The following TBC1D31 variants were observed in gnomAD, a reference collection of about 807,000 sequenced individuals.
TBC1D31 encodes TBC1 domain family member 31.
Under a neutral mutation model 132.9 loss-of-function variants are expected in TBC1D31, and 99 were observed. That is an observed-to-expected ratio of 0.74 (90% CI 0.63 to 0.88). TBC1D31 has a LOEUF of 0.88. TBC1D31 is among the 40% of genes least tolerant of loss of function. The pLI is 0.00. For missense variants in TBC1D31, 1,134 were observed against 1,256.6 expected (o/e 0.90, Z 1.48); for synonymous variants, 385 against 419.4 (o/e 0.92, Z 1.00).
At position 123,120,219 on chromosome 8, in the gene TBC1D31, A is replaced by G. The variant is rs768955199; in HGVS notation, c.1570+31A>G. ...TAAATACTTGTTAAAGTATAAGATC[A>G]AGAATGGATTCTTATACATTTTCCT... On this transcript the variant is annotated intron_variant, in intron 11 of 21. Coordinates refer to ENST00000287380, the MANE Select transcript of TBC1D31 (RefSeq NM_145647.4). 14 of 1,538,434 alleles carry G rather than the reference A, an allele frequency of 9.1e-6. 1 individual carries two copies. The South Asian group carries it at 1.6e-4, about 17-fold the overall frequency.
chr8:123,131,358 A>G (rs1299997032), intron 16 of TBC1D31, among the ~76,000 whole-genome samples: 4 of 114,296 alleles, frequency 3.5e-5, no homozygotes, highest in African/African-American at 1.5e-4. Flanking sequence ...AGTGAGACTC[A>G]GTCTCAAAAA....
intron 17 of TBC1D31, among the ~76,000 whole-genome samples, chr8:123,135,191 C>A (rs1471852074): frequency 6.6e-6 from 1 of 152,216 alleles, no homozygotes; most frequent in Non-Finnish European, 1.5e-5. Flanking sequence ...TGAGCCACCA[C>A]GCCTGGCCTG....
At chr8:123,163,109 G>A in the TBC1D31 span, among the ~76,000 whole-genome samples, 1 of 152,190 alleles carries the variant, frequency 6.6e-6, no homozygotes, top group Admixed American at 6.5e-5. Flanking sequence ...ACAGGTGTGA[G>A]CCACTGCGCC....
At chr8:123,104,901 G>T (rs531024979) in intron 7 of TBC1D31, among the ~76,000 whole-genome samples, 1 of 152,090 alleles carries the variant, frequency 6.6e-6, no homozygotes, top group Admixed American at 6.6e-5. Flanking sequence ...AAGAATATTA[G>T]GGTACTTCTG....
intron 4 of TBC1D31, among the ~76,000 whole-genome samples, chr8:123,087,055 G>C (rs760224617): frequency 4.6e-5 from 7 of 152,152 alleles, no homozygotes; most frequent in Admixed American, 2.0e-4. Context: ...TGTTCAAAAT[G>C]TTAGAAGTGG....
chr8:123,157,254 C>T, the TBC1D31 span, among the ~76,000 whole-genome samples: 1 of 152,204 alleles, frequency 6.6e-6, no homozygotes, highest in African/African-American at 2.4e-5. Context: ...ATCGAACTCA[C>T]GACCTTCAGA....
At chr8:123,158,179 A>G in the TBC1D31 span, among the ~76,000 whole-genome samples, 1 of 152,026 alleles carries the variant, frequency 6.6e-6, no homozygotes, top group Non-Finnish European at 1.5e-5. Flanking sequence ...CATTATTGCT[A>G]AAGGAAACTG....
At chr8:123,134,057 A>G (rs2130846893) in intron 16 of TBC1D31, 57 bp from the exon 17 acceptor site, 1 of 1,354,476 alleles carries the variant, frequency 7.4e-7, no homozygotes. Context: ...TACTAAATAT[A>G]TTAAAAATTA....
chr8:123,085,698 C>G (rs555414382), intron 4 of TBC1D31, among the ~76,000 whole-genome samples: 8 of 152,142 alleles, frequency 5.3e-5, no homozygotes, highest in Admixed American at 5.2e-4. Flanking sequence ...CGTGAGCCAC[C>G]GCGCCGGGCC....
chr8:123,129,285 C>A, intron 15 of TBC1D31, 67 bp downstream of exon 15: 1 of 1,114,088 alleles, frequency 9.0e-7, no homozygotes, highest in Non-Finnish European at 1.2e-6. Flanking sequence ...TATGTTCTTT[C>A]ATTTTTTCAT....
At chr8:123,091,264 T>C (rs1049744695) in intron 4 of TBC1D31, among the ~76,000 whole-genome samples, 4 of 152,200 alleles carry the variant, frequency 2.6e-5, no homozygotes, top group African/African-American at 9.6e-5. Context: ...ATGTAGGCAA[T>C]AATCTATCAC....
chr8:123,128,075 C>T (rs966253460), intron 13 of TBC1D31: 1 of 369,168 alleles, frequency 2.7e-6, no homozygotes, highest in Non-Finnish European at 4.8e-6. Context: ...AATTTTATGT[C>T]AGAATTTCTT....
At chr8:123,086,254 T>C (rs933530000) in intron 4 of TBC1D31, among the ~76,000 whole-genome samples, 1 of 152,196 alleles carries the variant, frequency 6.6e-6, no homozygotes, top group Non-Finnish European at 1.5e-5. Context: ...AATCTAACCC[T>C]TTCTTCAATT....
intron 18 of TBC1D31, 65 bp downstream of exon 18, chr8:123,140,966 GA>G: frequency 4.9e-6 from 7 of 1,440,878 alleles, no homozygotes; most frequent in Non-Finnish European, 5.7e-6. Context: ...CCTCTTAAGA[GA>G]ACAAAATCGA....
At chr8:123,156,898 AC>A (rs1348473420), downstream of TBC1D31, among the ~76,000 whole-genome samples, 2 of 151,986 alleles carry the variant, frequency 1.3e-5, no homozygotes, top group African/African-American at 2.4e-5. Flanking sequence ...GCCGTCCTGG[AC>A]TGTGACCACC....
At chr8:123,073,422 A>G (rs1289169332) in intron 1 of TBC1D31, 3 of 456,158 alleles carry the variant, frequency 6.6e-6, no homozygotes, top group Middle Eastern at 3.3e-4. Context: ...TGGAGTTTAC[A>G]TATCGGCGTG....
intron 5 of TBC1D31, among the ~76,000 whole-genome samples, chr8:123,095,202 A>G (rs1212669568): frequency 1.3e-5 from 2 of 152,188 alleles, no homozygotes; most frequent in African/African-American, 4.8e-5. Context: ...ACAAGAAGAC[A>G]TTATAGGTGG....
At chr8:123,076,644 G>T (rs2130611560) in intron 1 of TBC1D31, among the ~76,000 whole-genome samples, 1 of 152,186 alleles carries the variant, frequency 6.6e-6, no homozygotes, top group Non-Finnish European at 1.5e-5. Flanking sequence ...GGGTATTCAT[G>T]GTAGATACAT....
In TBC1D31 at chr8:123,091,093, C is replaced by T. The variant is rs542361799; in HGVS notation, c.520-2498C>T. On this transcript the variant is annotated intron_variant, in intron 4 of 21. Transcript: ENST00000287380. ...ACAGCTCCGTCCTTGAACCTAACCC[C>T]CCAAAAAGTATACTTTGTTAATGTT... Among the ~76,000 whole-genome samples, 21 of 152,162 alleles carry T rather than the reference C, an allele frequency of 1.4e-4. No individual in the cohort carries two copies. In the South Asian group the frequency reaches 3.7e-3, roughly 27 times the overall value.
Sources: allele counts gnomAD v4.1 joint callset (sites outside exome capture counted in the v4.1 genomes callset), GRCh38; gene constraint gnomAD v4.1.1; transcripts MANE v1.5; gene names NCBI Gene and HGNC (gene_info 2026-07-23, HGNC 2026-07-21).